Variants in AUTS2 observed in about 807,000 individuals in gnomAD.
AUTS2 encodes activator of transcription and developmental regulator AUTS2, also known as autism susceptibility gene 2 protein.
Under a neutral mutation model 112.4 loss-of-function variants are expected in AUTS2, and 17 were observed. That is an observed-to-expected ratio of 0.15 (90% confidence interval 0.10 to 0.23). The LOEUF is 0.23. AUTS2 is among the 10% of genes least tolerant of loss of function. The pLI, the probability that AUTS2 is intolerant of heterozygous loss-of-function variation, is 1.00. For missense variants in AUTS2, 1,510 were observed against 1,701.6 expected (o/e 0.89, Z 1.98); for synonymous variants, 751 against 702.7 (o/e 1.07, Z -1.09).
intron 4 of AUTS2, among the ~76,000 whole-genome samples, chr7:70,342,255 A>G (rs1473820032): frequency 6.6e-6 from 1 of 151,932 alleles, no homozygotes; most frequent in Non-Finnish European, 1.5e-5. Context: ...TGGGCATCTC[A>G]GTTGATATTG....
At chr7:70,716,870 CGT>C (rs942466968) in intron 6 of AUTS2, among the ~76,000 whole-genome samples, 89 of 151,870 alleles carry the variant, frequency 5.9e-4, no homozygotes, top group African/African-American at 1.9e-3. Context: ...GATACTAAGA[CGT>C]AACCTCCCAC....
chr7:70,745,434 G>A (rs897563266), intron 6 of AUTS2, among the ~76,000 whole-genome samples: 3 of 152,214 alleles, frequency 2.0e-5, no homozygotes, highest in Non-Finnish European at 2.9e-5. Context: ...CGGATTTAAA[G>A]CCAGTGTTCT....
At chr7:70,715,379 A>C (rs1307652375) in intron 6 of AUTS2, among the ~76,000 whole-genome samples, 1 of 152,142 alleles carries the variant, frequency 6.6e-6, no homozygotes. Flanking sequence ...ATACACACTT[A>C]AGTGTGTGTG....
chr7:70,791,522 C>CTTACT lies in AUTS2; in HGVS notation c.*528_*532dup. On this transcript the variant is annotated 3_prime_UTR_variant, in exon 19 of 19. Coordinates refer to ENST00000342771, the MANE Select transcript of AUTS2 (RefSeq NM_015570.4). The stretch of plus-strand genomic sequence containing the variant: ...CTTCTTAAAATGTGCTATTTGCAAA[C>CTTACT]TTACTTAATATCAGTGAACACAGTC... 1 of 119,328 alleles carries CTTACT rather than the reference C, an allele frequency of 8.4e-6. No individual in the cohort carries two copies. The highest frequency in any genetic ancestry group is 2.1e-5 in the Non-Finnish European group (1 of 48,260). 7.4% of individuals were successfully genotyped at this position (119,328 alleles called of 1,614,324 possible). A position where few individuals can be genotyped will look rare whatever the true frequency, so the allele number is the denominator to read the frequency against.
chr7:70,465,901 G>T (rs1418977798), intron 5 of AUTS2, among the ~76,000 whole-genome samples: 3 of 151,710 alleles, frequency 2.0e-5, no homozygotes, highest in Admixed American at 2.0e-4. Flanking sequence ...GTGGAGGGAG[G>T]AACAGCGACT....
intron 5 of AUTS2, among the ~76,000 whole-genome samples, chr7:70,532,697 T>C (rs1800147118): frequency 6.6e-6 from 1 of 152,188 alleles, no homozygotes; most frequent in South Asian, 2.1e-4. Flanking sequence ...CCTTCTTCCT[T>C]CTCTCCAACA....
chr7:70,120,422 A>T (rs540633150), intron 3 of AUTS2: 1 of 152,098 alleles, frequency 6.6e-6, no homozygotes, highest in Non-Finnish European at 1.5e-5. Context: ...TTGTGTGTCC[A>T]TGTGTCTGAT....
intron 4 of AUTS2, among the ~76,000 whole-genome samples, chr7:70,356,785 A>G (rs1050605004): frequency 6.6e-6 from 1 of 151,322 alleles, no homozygotes; most frequent in Non-Finnish European, 1.5e-5. Context: ...TGGAAAATGC[A>G]TCAGTGGAGA....
In AUTS2 at chr7:70,791,090, TG is replaced by T. The variant is rs368717701; in HGVS notation, c.*101del. On this transcript the variant is annotated 3_prime_UTR_variant, in exon 19 of 19. Transcript: ENST00000342771. Reference sequence around the variant, plus strand: ...GAACTCCTGCATGGCTCACACAGACTGGGGGGGAAAGCCCCACCCCTTCCCC... The same window carrying T: ...GAACTCCTGCATGGCTCACACAGACTGGGGGGAAAGCCCCACCCCTTCCCC... The T allele has an allele frequency of 3.1e-4, 402 of 1,288,660 alleles. 3 individuals carry two copies. The East Asian group carries it at 9.3e-3, about 30-fold the overall frequency. 79.8% of individuals were successfully genotyped at this position (1,288,660 alleles called of 1,614,324 possible).
intron 1 of AUTS2, among the ~76,000 whole-genome samples, chr7:69,798,976 G>A (rs562863107): frequency 6.6e-6 from 1 of 151,152 alleles, no homozygotes; most frequent in Non-Finnish European, 1.5e-5. Flanking sequence ...GGGCAACAGA[G>A]CGAAACCTAG....
intron 2 of AUTS2, among the ~76,000 whole-genome samples, chr7:70,059,046 A>G (rs1283281981): frequency 6.6e-6 from 1 of 152,218 alleles, no homozygotes; most frequent in Non-Finnish European, 1.5e-5. Context: ...CATAGTTTAC[A>G]TTAGAGTTAA....
chr7:70,360,141 T>A (rs1051071798), intron 4 of AUTS2, among the ~76,000 whole-genome samples: 2 of 152,194 alleles, frequency 1.3e-5, no homozygotes, highest in African/African-American at 4.8e-5. Context: ...TATCTTTTTT[T>A]TAAAGAAAAA....
chr7:69,970,809 TC>T (rs1475336017), intron 2 of AUTS2, among the ~76,000 whole-genome samples: 3 of 152,128 alleles, frequency 2.0e-5, no homozygotes, highest in Non-Finnish European at 4.4e-5. Flanking sequence ...TAACATATGA[TC>T]CTAGAGATAC....
At chr7:69,940,832 A>T (rs1050991248) in intron 2 of AUTS2, among the ~76,000 whole-genome samples, 1 of 152,180 alleles carries the variant, frequency 6.6e-6, no homozygotes, top group African/African-American at 2.4e-5. Context: ...TAGGATGCAG[A>T]TAATAGGAGT....
chr7:69,710,945 A>G (rs768015367), intron 1 of AUTS2, among the ~76,000 whole-genome samples: 5 of 152,146 alleles, frequency 3.3e-5, no homozygotes, highest in African/African-American at 9.7e-5. Context: ...GCTGGTCTCA[A>G]TGGCAGATAC....
chr7:70,382,720 C>G (rs1793427560), intron 4 of AUTS2, among the ~76,000 whole-genome samples: 1 of 152,226 alleles, frequency 6.6e-6, no homozygotes. Context: ...AACTCACTCA[C>G]TGTCTTTTCT....
chr7:69,969,084 G>A (rs898448509), intron 2 of AUTS2, among the ~76,000 whole-genome samples: 5 of 151,942 alleles, frequency 3.3e-5, no homozygotes, highest in Non-Finnish European at 5.9e-5. Context: ...TTTCCTTTGA[G>A]AAGCCGACCA....
chr7:70,085,085 G>A lies in AUTS2; in HGVS notation c.523-33047G>A, dbSNP rs61222045. ...AGAGATAGGGTTTCACCGTGTTGCC[G>A]TGGCTGTTCTCGAACTTCTGAGCTC... On this transcript the variant is annotated intron_variant, in intron 2 of 18. Coordinates refer to ENST00000342771, the MANE Select transcript of AUTS2 (RefSeq NM_015570.4). Among the ~76,000 whole-genome samples the A allele has an allele frequency of 8.3e-3, 1,258 of 152,086 alleles. 12 individuals carry two copies. The highest frequency in any genetic ancestry group is 0.025 in the African/African-American group (1,033 of 41,496).
In AUTS2 at chr7:69,682,743, C is replaced by T. The variant is rs570581014; in HGVS notation, c.309+82781C>T. ...TAATACAGAGGCAGAGAGCGAAAGA[C>T]TTATTCAGAAACAAAACCTCTGCTT... On this transcript the variant is annotated intron_variant, in intron 1 of 18. Coordinates refer to ENST00000342771, the MANE Select transcript of AUTS2 (RefSeq NM_015570.4). 2.6e-5 allele frequency among the ~76,000 whole-genome samples: 4 copies of T among 152,292 alleles called. No homozygotes were observed. The South Asian group carries it at 8.3e-4, about 32-fold the overall frequency.
Sources: gnomAD v4.1 joint callset for allele counts (sites outside exome capture counted in the v4.1 genomes callset) on GRCh38, gnomAD v4.1.1 for gene constraint, MANE v1.5 for transcripts, NCBI Gene and HGNC (gene_info 2026-07-23, HGNC 2026-07-21) for gene names.